FAM83G: variants seen among roughly 807,000 people sequenced by gnomAD.
The protein encoded by FAM83G is protein FAM83G.
FAM83G carries 38 observed loss-of-function variants against 61.5 expected under a neutral mutation model. That is an observed-to-expected ratio of 0.62 (90% confidence interval 0.48 to 0.81). The LOEUF (loss-of-function observed/expected upper bound fraction) is 0.81. Ranked by LOEUF, FAM83G falls within the 30% of genes least tolerant of loss-of-function variation. The pLI is 0.00. For synonymous variants in FAM83G, 470 were observed against 476.1 expected, an observed-to-expected ratio of 0.99 and a Z score of 0.17; for missense variants, 989 against 1,133.6, an observed-to-expected ratio of 0.87 and a Z score of 1.83.
intron 2 of FAM83G, among the ~76,000 whole-genome samples, chr17:18,999,705 C>A (rs2043678211): frequency 6.6e-6 from 1 of 152,348 alleles, no homozygotes; most frequent in Non-Finnish European, 1.5e-5. Flanking sequence ...GGGGGCCTGA[C>A]AGAAAAAATG....
At chr17:18,992,488 C>T (rs948771991) in intron 2 of FAM83G, among the ~76,000 whole-genome samples, 4 of 152,238 alleles carry the variant, frequency 2.6e-5, no homozygotes, top group Admixed American at 6.5e-5. Context: ...CCAGCAGACA[C>T]GGCCTGAAGC....
Position 18,970,076 on chromosome 17 carries a change from T to G in FAM83G, c.*1283A>C, listed in dbSNP as rs1052168048. 3.3e-5 allele frequency: 5 copies of G among 152,256 alleles called. No homozygotes were observed. The highest frequency in any genetic ancestry group is 1.2e-4 in the African/African-American group (5 of 41,448). 9.4% of individuals were successfully genotyped at this position (152,256 alleles called of 1,614,324 possible). A position where few individuals can be genotyped will look rare whatever the true frequency, so the allele number is the denominator to read the frequency against. The stretch of plus-strand genomic sequence containing the variant: ...CAGTTTCTAACCCTTGAATGGCACT[T>G]GTTCATTTGCTCTGAGCCTCACACA... On this transcript the variant is annotated 3_prime_UTR_variant, in exon 6 of 6. Coordinates refer to ENST00000388995, the MANE Select transcript of FAM83G (RefSeq NM_001039999.3).
chr17:18,976,883 G>A, intron 5 of FAM83G: 1 of 1,613,584 alleles, frequency 6.2e-7, no homozygotes, highest in Non-Finnish European at 8.5e-7. Context: ...TGTCAGCCCG[G>A]GACCTGAACC....
At chr17:19,006,051 G>A (rs979326972), upstream of FAM83G, among the ~76,000 whole-genome samples, 1 of 152,152 alleles carries the variant, frequency 6.6e-6, no homozygotes, top group Non-Finnish European at 1.5e-5. Flanking sequence ...AGTTCAGGAA[G>A]GGAGTCCAAG....
At chr17:18,985,021 G>A (rs188120618) in intron 3 of FAM83G, among the ~76,000 whole-genome samples, 68 of 152,346 alleles carry the variant, frequency 4.5e-4, no homozygotes, top group Admixed American at 2.2e-3. Flanking sequence ...ACAGGGCAGC[G>A]TTTCGAGAGT....
rs1404238697 is a variant in FAM83G at position 18,971,939 on chromosome 17, A to T, written c.2083-191T>A. On this transcript the variant is annotated intron_variant, in intron 5 of 5. Transcript: ENST00000388995. This position sits in a 1 kb window ranked among gnomAD's most constrained non-coding sequence, Gnocchi z 5.5. ...TCAGTTCCCCTGTCTGTAATATGGG[A>T]ATAATCCTGCCCTTTGTGGGTGTAG... Among the ~76,000 whole-genome samples, 5 of 152,078 alleles carry T rather than the reference A, an allele frequency of 3.3e-5. No homozygotes were observed. The highest frequency in any genetic ancestry group is 1.2e-4 in the African/African-American group (5 of 41,364).
chr17:19,005,911 C>T (rs898957212), upstream of FAM83G, among the ~76,000 whole-genome samples: 4 of 152,178 alleles, frequency 2.6e-5, no homozygotes, highest in Non-Finnish European at 5.9e-5. Context: ...GTGATCCCAG[C>T]GGGGGAGCCC....
chr17:18,969,022 A>G lies in FAM83G; in HGVS notation c.*2337T>C. On this transcript the variant is annotated 3_prime_UTR_variant, in exon 6 of 6. Coordinates refer to ENST00000388995, the MANE Select transcript of FAM83G (RefSeq NM_001039999.3). ...GGCTTGCTGGAGCCCTGGGAATAACAGTCCCACACAAGGCTCTCTCCCTCC... is the reference window on the plus strand; with the variant it reads ...GGCTTGCTGGAGCCCTGGGAATAACGGTCCCACACAAGGCTCTCTCCCTCC... 2 of 1,593,698 alleles carry G rather than the reference A, an allele frequency of 1.3e-6. No individual in the cohort carries two copies. The highest frequency in any genetic ancestry group is 1.7e-6 in the Non-Finnish European group (2 of 1,170,018).
rs2043322657 is a variant in FAM83G at position 18,988,395 on chromosome 17, T to C, written c.542A>G (p.Asp181Gly). The change falls in exon 3 of 6, where the codon GAC (aspartate) becomes GGC (glycine). Residue 181 changes from aspartate to glycine, a missense_variant. Physicochemically the swap from Asp to Gly is moderately conservative, Grantham distance 94. Coordinates refer to ENST00000388995, the MANE Select transcript of FAM83G (RefSeq NM_001039999.3). ...GAAGATGTCCACGTCGGTGAACATGTCCATGACCACAGCTATCACCTGGGA... is the reference window on the plus strand; with the variant it reads ...GAAGATGTCCACGTCGGTGAACATGCCCATGACCACAGCTATCACCTGGGA... ...QAQKVIAVVM[D>G]MFTDVDIFKD... The C allele has an allele frequency of 3.1e-6, 5 of 1,614,130 alleles. No individual in the cohort carries two copies. The highest frequency in any genetic ancestry group is 4.2e-6 in the Non-Finnish European group (5 of 1,179,988).
Position 18,977,679 on chromosome 17 carries a change from G to T in FAM83G, c.1987C>A (p.Gln663Lys). Residue 663 changes from glutamine (Q) to lysine (K), a missense_variant, in exon 5 of 6, where the codon CAG becomes AAG. Gln to Lys is a moderately conservative substitution (Grantham distance 53, BLOSUM62 1). Transcript: ENST00000388995. ...HITRGTFVGP[Q>K]GGSPWAQSRG... ...CTCTGGGCCCATGGGGAGCCACCCT[G>T]GGGTCCAACAAAGGTCCCTCGGGTT... 1 of 1,610,534 alleles carries T rather than the reference G, an allele frequency of 6.2e-7. No homozygotes were observed.
rs796683457 is a variant in FAM83G at position 19,000,745 on chromosome 17, C to T, written c.522+2775G>A. On this transcript the variant is annotated intron_variant, in intron 2 of 5. Transcript: ENST00000388995. This position sits in a 1 kb window ranked among gnomAD's most constrained non-coding sequence, Gnocchi z 5.2. ...TAGGCAGGGGGCAGGCAGAGTTCTC[C>T]CTACACAATACCAGAGTGAGAAGGG... 1.3e-5 allele frequency among the ~76,000 whole-genome samples: 2 copies of T among 152,282 alleles called. No individual in the cohort carries two copies. Among genetic ancestry groups the T allele is most frequent in the African/African-American group, 4.8e-5 (2 of 41,558 alleles).
At chr17:19,005,656 CT>C (rs930119024), upstream of FAM83G, among the ~76,000 whole-genome samples, 32 of 152,072 alleles carry the variant, frequency 2.1e-4, no homozygotes, top group Middle Eastern at 3.4e-3. Context: ...AACCCCCCCC[CT>C]CCAAGGCCTT....
rs775051882 is a variant in FAM83G, at chr17:18,971,057, G to A, written c.*302C>T. The A allele has an allele frequency of 1.2e-5, 19 of 1,613,828 alleles. No homozygotes were observed. Among genetic ancestry groups the A allele is most frequent in the South Asian group, 3.3e-5 (3 of 91,086 alleles). On this transcript the variant is annotated 3_prime_UTR_variant, in exon 6 of 6. Transcript: ENST00000388995. The surrounding 1 kb of genome is among the most constrained non-coding windows in gnomAD (Gnocchi z 5.5). ...TTACGGGCAGCTGGAGGCAGCCTACGCCCAGGCCATTCCCTCCAGGACCAT... is the reference window on the plus strand; with the variant it reads ...TTACGGGCAGCTGGAGGCAGCCTACACCCAGGCCATTCCCTCCAGGACCAT...
intron 2 of FAM83G, among the ~76,000 whole-genome samples, chr17:18,999,476 G>A (rs2043668935): frequency 1.3e-5 from 2 of 152,074 alleles, no homozygotes; most frequent in African/African-American, 4.8e-5. Context: ...TGTGACCTCA[G>A]GCCAGTTATT....
At chr17:18,992,742 A>G (rs2043460464) in intron 2 of FAM83G, among the ~76,000 whole-genome samples, 1 of 152,178 alleles carries the variant, frequency 6.6e-6, no homozygotes, top group Non-Finnish European at 1.5e-5. Context: ...CAAGATGTCC[A>G]AGGCCCTTCG....
chr17:18,992,052 G>A (rs1243732255), intron 2 of FAM83G, among the ~76,000 whole-genome samples: 4 of 152,146 alleles, frequency 2.6e-5, no homozygotes, highest in Non-Finnish European at 5.9e-5. Flanking sequence ...GCGAGCCTGC[G>A]CCTGCCCCAG....
At chr17:18,989,048 C>T (rs2043343295) in intron 2 of FAM83G, among the ~76,000 whole-genome samples, 2 of 152,248 alleles carry the variant, frequency 1.3e-5, no homozygotes, top group African/African-American at 2.4e-5. Context: ...GCTTCTCTCA[C>T]ACCTAGTCCC....
At chr17:18,992,907 C>A (rs1487348182) in intron 2 of FAM83G, among the ~76,000 whole-genome samples, 5 of 152,336 alleles carry the variant, frequency 3.3e-5, no homozygotes, top group South Asian at 2.1e-4. Context: ...ACAGCTCCTG[C>A]CTCACAGGTG....
chr17:19,004,161 A>T lies in FAM83G; in HGVS notation c.-120T>A. 4.7e-6 allele frequency: 4 copies of T among 857,984 alleles called. No individual in the cohort carries two copies. Among genetic ancestry groups the T allele is most frequent in the South Asian group, 1.7e-5 (1 of 57,296 alleles). 53.1% of individuals were successfully genotyped at this position (857,984 alleles called of 1,614,324 possible). A position where few individuals can be genotyped will look rare whatever the true frequency, so the allele number is the denominator to read the frequency against. On this transcript the variant is annotated 5_prime_UTR_variant, in exon 2 of 6. An upstream start codon of the reference 5' UTR is lost. Coordinates refer to ENST00000388995, the MANE Select transcript of FAM83G (RefSeq NM_001039999.3). The surrounding 1 kb of genome is among the most constrained non-coding windows in gnomAD (Gnocchi z 5.4). ...CTCCGCGGCCTCTGCTTCTCTGCCC[A>T]TGAGCAATCTGCGGGAAAGACCTGA...
Sources: gnomAD v4.1 joint callset for allele counts (sites outside exome capture counted in the v4.1 genomes callset) on GRCh38, gnomAD v4.1.1 for gene constraint, Gnocchi (gnomAD v3.1) non-coding constraint, MANE v1.5 for transcripts, NCBI Gene and HGNC (gene_info 2026-07-23, HGNC 2026-07-21) for gene names.